CD5L: variants seen among roughly 807,000 people sequenced by gnomAD.
CD5L encodes CD5 antigen-like.
Under a neutral mutation model 40.8 loss-of-function variants are expected in CD5L, and 39 were observed. That is an observed-to-expected ratio of 0.96 (90% CI 0.74 to 1.25). CD5L has a LOEUF of 1.25. CD5L is among the 50% of genes most tolerant of loss of function. CD5L has a pLI of 0.00. For missense variants in CD5L, 433 were observed against 435.9 expected (o/e 0.99, Z 0.06); for synonymous variants, 192 against 169.6 (o/e 1.13, Z -1.03).
Position 157,833,416 on chromosome 1 carries a change from T to A in CD5L, c.815A>T (p.Asn272Ile). 2 of 1,614,100 alleles carry A rather than the reference T, an allele frequency of 1.2e-6. No homozygotes were observed. The highest frequency in any genetic ancestry group is 1.7e-6 in the Non-Finnish European group (2 of 1,180,028). Reference sequence around the variant, plus strand: ...CACCTGGTCCTCCTTTTCTCCCCAGTTGTCATCACAGACAGAGCCCCATAC... The same window carrying A: ...CACCTGGTCCTCCTTTTCTCCCCAGATGTCATCACAGACAGAGCCCCATAC... ...KGVWGSVCDD[N>I]WGEKEDQVVC... The change falls in exon 5 of 6, where the codon AAC becomes ATC. Residue 272 changes from asparagine (N) to isoleucine (I), a missense_variant. Coordinates refer to ENST00000368174, the MANE Select transcript of CD5L (RefSeq NM_005894.3).
downstream of CD5L, among the ~76,000 whole-genome samples, chr1:157,827,944 A>G (rs1227580949): frequency 6.6e-6 from 1 of 152,186 alleles, no homozygotes; most frequent in Non-Finnish European, 1.5e-5. Flanking sequence ...GTTTATTATC[A>G]TTGCAATTTT....
intron 3 of CD5L, 63 bp from the exon 4 acceptor site, chr1:157,834,811 G>A (rs1557940907): frequency 7.5e-7 from 1 of 1,329,274 alleles, no homozygotes; most frequent in East Asian, 2.3e-5. Context: ...CAGTAAAGGC[G>A]GCCCAATGGA....
chr1:157,834,424 G>C lies in CD5L; in HGVS notation c.701C>G (p.Thr234Arg), dbSNP rs1231485887. 1 of 1,613,390 alleles carries C rather than the reference G, an allele frequency of 6.2e-7. No homozygotes were observed. The highest frequency in any genetic ancestry group is 8.5e-7 in the Non-Finnish European group (1 of 1,179,464). The change falls in exon 4 of 6, where the codon ACG becomes AGG. Residue 234 changes from threonine to arginine, a missense_variant. Transcript: ENST00000368174. Reference sequence around the variant, plus strand: ...GGCATTACCTTCACATTCGACCCACGTGTCTTCATCATGGTTGCAGGTGTT... The same window carrying C: ...GGCATTACCTTCACATTCGACCCACCTGTCTTCATCATGGTTGCAGGTGTT... ...GKNTCNHDED[T>R]WVECEDPFDL... is the part of the protein sequence containing the mutation.
In CD5L at chr1:157,840,117, T is replaced by A. The variant is rs1358293687; in HGVS notation, c.29-707A>T. ...TCTCTTTTGCTTTTTTCCTACCATT[T>A]AAAAATACAAACCTCATTATCAGCT... On this transcript the variant is annotated intron_variant, in intron 1 of 5. Transcript: ENST00000368174. Among the ~76,000 whole-genome samples, 4 of 152,352 alleles carry A rather than the reference T, an allele frequency of 2.6e-5. No homozygotes were observed. The East Asian group carries it at 7.7e-4, about 29-fold the overall frequency.
intron 5 of CD5L, 83 bp from the exon 6 acceptor site, chr1:157,832,051 G>A (rs1010682509): frequency 9.2e-7 from 1 of 1,087,456 alleles, no homozygotes. Context: ...TTAGCTAAGG[G>A]AGAAGACTGG....
chr1:157,836,019 C>A lies in CD5L; in HGVS notation c.192G>T (p.Glu64Asp), dbSNP rs754454170. ...DIKDVAVLCR[E>D]LGCGAASGTP... ...TTCCGCTGGCAGCTCCACAGCCCAG[C>A]TCCCGGCACAACACAGCCACGTCCT... is the stretch of plus-strand genomic sequence containing the variant. Residue 64 changes from glutamate to aspartate, a missense_variant, in exon 3 of 6, where the codon GAG (glutamate) becomes GAT (aspartate). Transcript: ENST00000368174. The A allele has an allele frequency of 6.8e-6, 11 of 1,614,096 alleles. No individual in the cohort carries two copies. The African/African-American group carries it at 1.5e-4, about 22-fold the overall frequency.
chr1:157,829,750 G>T (rs911871648), downstream of CD5L, among the ~76,000 whole-genome samples: 1 of 152,142 alleles, frequency 6.6e-6, no homozygotes, highest in African/African-American at 2.4e-5. Context: ...TTGGTTGGAA[G>T]TACGAAAACC....
At chr1:157,827,214 G>A (rs1355377911), downstream of CD5L, among the ~76,000 whole-genome samples, 1 of 151,606 alleles carries the variant, frequency 6.6e-6, no homozygotes, top group Non-Finnish European at 1.5e-5. Flanking sequence ...ATCTCTTTCA[G>A]TACCAAAATC....
At position 157,839,374 on chromosome 1, in the gene CD5L, A is replaced by C; in HGVS notation, c.55+10T>G. 1 of 1,613,732 alleles carries C rather than the reference A, an allele frequency of 6.2e-7. No homozygotes were observed. Among genetic ancestry groups the C allele is most frequent in the Non-Finnish European group, 8.5e-7 (1 of 1,179,856 alleles). The stretch of plus-strand genomic sequence containing the variant: ...GAGGCCTCCCTCTCAGAAACCCCCA[A>C]AAATCTTACCTAGGAATCCAGGTCT... On this transcript the variant is annotated intron_variant, in intron 2 of 5. Transcript: ENST00000368174.
chr1:157,833,553 G>A (rs777970620), intron 4 of CD5L, 41 bp from the exon 5 acceptor site: 121 of 1,450,122 alleles, frequency 8.3e-5, no homozygotes, highest in Non-Finnish European at 1.1e-4. Flanking sequence ...GAGACAGGAA[G>A]GGAAAGGAGA....
At chr1:157,838,898 T>G (rs1450389353) in intron 2 of CD5L, among the ~76,000 whole-genome samples, 1 of 152,224 alleles carries the variant, frequency 6.6e-6, no homozygotes, top group African/African-American at 2.4e-5. Context: ...GTTTATCATT[T>G]GTGCATTACC....
intron 2 of CD5L, 131 bp from the exon 3 acceptor site, chr1:157,836,286 T>C: frequency 2.7e-6 from 2 of 740,348 alleles, no homozygotes; most frequent in Non-Finnish European, 4.3e-6. Context: ...AAATAAGGGA[T>C]CAGAAGAAAA....
rs372582791 is a variant in CD5L at position 157,835,859 on chromosome 1, C to T, written c.352G>A (p.Glu118Lys). 3.7e-6 allele frequency: 6 copies of T among 1,613,520 alleles called. No homozygotes were observed. Among genetic ancestry groups the T allele is most frequent in the Non-Finnish European group, 4.2e-6 (5 of 1,179,662 alleles). The change falls in exon 3 of 6, where the codon GAA (glutamate) becomes AAA (lysine). Residue 118 changes from glutamate (E) to lysine (K), a missense_variant. By Grantham distance (56) the Glu-to-Lys change is moderately conservative. Transcript: ENST00000368174. ...CTCTCACACGATGCCCCAGCATCTTCATCATGTGAACAATCATAAACTTCT... is the reference window on the plus strand; with the variant it reads ...CTCTCACACGATGCCCCAGCATCTTTATCATGTGAACAATCATAAACTTCT... Reference protein sequence around the residue: ...QEEVYDCSHDEDAGASCENPE... With the variant: ...QEEVYDCSHDKDAGASCENPE...
intron 5 of CD5L, among the ~76,000 whole-genome samples, chr1:157,832,886 T>C (rs16839255): frequency 0.067 from 10,204 of 152,210 alleles, 750 homozygotes; most frequent in East Asian, 0.17. Context: ...TTACTATGTT[T>C]AATATAAAAA....
At chr1:157,827,879 A>G (rs930055972), downstream of CD5L, among the ~76,000 whole-genome samples, 4 of 152,214 alleles carry the variant, frequency 2.6e-5, no homozygotes, top group African/African-American at 9.6e-5. Context: ...AGGCAATCAT[A>G]ACTTAGTTGC....
downstream of CD5L, among the ~76,000 whole-genome samples, chr1:157,827,263 G>GGTGT (rs1165362017): frequency 3.0e-3 from 349 of 117,084 alleles, no homozygotes; most frequent in African/African-American, 0.01. Flanking sequence ...CAGGACAAAT[G>GGTGT]GTGTATGTGT....
chr1:157,834,595 C>T lies in CD5L; in HGVS notation c.530G>A (p.Arg177Gln), dbSNP rs1172805927. ...WSLRAAKVVC[R>Q]QLGCGRAVLT... Reference sequence around the variant, plus strand: ...TACAGCCCTCCCACATCCCAGCTGCCGGCACACCACCTTTGCGGCCCGGAG... The same window carrying T: ...TACAGCCCTCCCACATCCCAGCTGCTGGCACACCACCTTTGCGGCCCGGAG... Residue 177 changes from arginine (R) to glutamine (Q), a missense_variant, in exon 4 of 6, where the codon CGG (arginine) becomes CAG (glutamine). Coordinates refer to ENST00000368174, the MANE Select transcript of CD5L (RefSeq NM_005894.3). The T allele has an allele frequency of 2.5e-6, 4 of 1,614,124 alleles. No homozygotes were observed. The highest frequency in any genetic ancestry group is 1.1e-5 in the South Asian group (1 of 91,080).
In CD5L at chr1:157,831,314, T is replaced by C. The variant is rs1301673508; in HGVS notation, c.*650A>G. ...GGGGCAATCAGAGGATGAAACATCA[T>C]TTTTTACACGTCATGAAAAGGTCTA... On this transcript the variant is annotated 3_prime_UTR_variant, in exon 6 of 6. Transcript: ENST00000368174. 1.0e-6 allele frequency: 1 copy of C among 985,332 alleles called. No individual in the cohort carries two copies. Among genetic ancestry groups the C allele is most frequent in the Non-Finnish European group, 1.2e-6 (1 of 829,908 alleles). 61.0% of individuals were successfully genotyped at this position (985,332 alleles called of 1,614,324 possible).
Position 157,830,934 on chromosome 1 carries a change from T to A in CD5L, c.*1030A>T. 1 of 984,786 alleles carries A rather than the reference T, an allele frequency of 1.0e-6. No individual in the cohort carries two copies. Among genetic ancestry groups the A allele is most frequent in the African/African-American group, 1.7e-5 (1 of 57,340 alleles). The allele number at this position is 984,786 out of a possible 1,614,324, so 61.0% of individuals were successfully genotyped here. ...AATTGTTGAGACTGTGAAATCTGAT[T>A]TATTAGATAAGTGTAAATGTGTAAA... On this transcript the variant is annotated 3_prime_UTR_variant, in exon 6 of 6. Coordinates refer to ENST00000368174, the MANE Select transcript of CD5L (RefSeq NM_005894.3).
Sources: allele counts gnomAD v4.1 joint callset (sites outside exome capture counted in the v4.1 genomes callset), GRCh38; gene constraint gnomAD v4.1.1; transcripts MANE v1.5; gene names NCBI Gene and HGNC (gene_info 2026-07-23, HGNC 2026-07-21).